SLC1A2: variants seen among roughly 807,000 people sequenced by gnomAD.
The protein encoded by SLC1A2 is excitatory amino acid transporter 2.
A neutral mutation model predicts 48.8 loss-of-function variants in SLC1A2; 15 were observed. The observed-to-expected ratio is 0.31, with a 90% confidence interval of 0.21 to 0.47. SLC1A2 has a LOEUF of 0.47. SLC1A2 is among the 20% of genes least tolerant of loss of function. The pLI, the probability that SLC1A2 is intolerant of heterozygous loss-of-function variation, is 0.99. For missense variants in SLC1A2, 502 were observed against 730.5 expected, an observed-to-expected ratio of 0.69 and a Z score of 3.61; for synonymous variants, 279 against 272.6, an observed-to-expected ratio of 1.02 and a Z score of -0.23.
chr11:35,299,333 G>GTC lies in SLC1A2; in HGVS notation c.857+2184_857+2185dup, dbSNP rs1220089326. 625 of 142,958 alleles carry GTC rather than the reference G, an allele frequency of 4.4e-3. 7 individuals are homozygous for GTC. Among genetic ancestry groups the GTC allele is most frequent in the African/African-American group, 0.012 (469 of 37,536 alleles). The allele number at this position is 142,958 out of a possible 1,614,324, so 8.9% of individuals were successfully genotyped here. On this transcript the variant is annotated intron_variant, in intron 6 of 10. Transcript: ENST00000278379. Reference sequence around the variant, plus strand: ...CAGCCTGGCAACAGGGCGAGTCTTTGTCTCTCTCTCTCTCTCTCTCTGTGT... The same window carrying GTC: ...CAGCCTGGCAACAGGGCGAGTCTTTGTCTCTCTCTCTCTCTCTCTCTCTGTGT...
At position 35,254,980 on chromosome 11, in the gene SLC1A2, C is replaced by A. The variant is rs1377485686; in HGVS notation, c.*5914G>T. 3 of 304,996 alleles carry A rather than the reference C, an allele frequency of 9.8e-6. No homozygotes were observed. Among genetic ancestry groups the A allele is most frequent in the Non-Finnish European group, 1.9e-5 (3 of 155,070 alleles). The allele number at this position is 304,996 out of a possible 1,614,324, so 18.9% of individuals were successfully genotyped here. A position where few individuals can be genotyped will look rare whatever the true frequency, so the allele number is the denominator to read the frequency against. ...GGCATCTCTCACTTTTCTACAGGTTCTTATCTGGGTCAATGAAGAAATTGT... is the reference window on the plus strand; with the variant it reads ...GGCATCTCTCACTTTTCTACAGGTTATTATCTGGGTCAATGAAGAAATTGT... On this transcript the variant is annotated 3_prime_UTR_variant, in exon 11 of 11. Transcript: ENST00000278379.
chr11:35,411,212 C>T (rs1254772942), intron 1 of SLC1A2, among the ~76,000 whole-genome samples: 1 of 152,026 alleles, frequency 6.6e-6, no homozygotes, highest in Non-Finnish European at 1.5e-5. Context: ...AGAAATTAGC[C>T]CAATATTTAT....
rs538376815 is a variant in SLC1A2 at position 35,374,232 on chromosome 11, G to T, written c.17+44718C>A. ...ACTTGCTGGCTTTGAATGATTTATA[G>T]CTAAGACTCCAAGACACTCCCGAAG... On this transcript the variant is annotated intron_variant, in intron 1 of 10. Transcript: ENST00000278379. 5.7e-6 allele frequency: 4 copies of T among 698,490 alleles called. No individual in the cohort carries two copies. The East Asian group carries it at 1.7e-4, about 29-fold the overall frequency. The allele number at this position is 698,490 out of a possible 1,614,324, so 43.3% of individuals were successfully genotyped here.
chr11:35,260,350 G>T lies in SLC1A2; in HGVS notation c.*544C>A, dbSNP rs1950374587. 6.5e-6 allele frequency: 1 copy of T among 153,324 alleles called. No homozygotes were observed. Among genetic ancestry groups the T allele is most frequent in the Non-Finnish European group, 1.5e-5 (1 of 68,840 alleles). The allele number at this position is 153,324 out of a possible 1,614,324, so 9.5% of individuals were successfully genotyped here. On this transcript the variant is annotated 3_prime_UTR_variant, in exon 11 of 11. Transcript: ENST00000278379. ...TTAAAGAGCATATGGAAGATAAATT[G>T]TCAGAATTCCCTAAGACAGGTATTT...
At chr11:35,279,849 A>G (rs1433742400) in intron 9 of SLC1A2, among the ~76,000 whole-genome samples, 2 of 152,220 alleles carry the variant, frequency 1.3e-5, no homozygotes, top group African/African-American at 4.8e-5. Context: ...TGAACACTCA[A>G]ATTCAGTAAC....
intron 1 of SLC1A2, chr11:35,323,435 T>C (rs1007481342): frequency 6.6e-6 from 1 of 152,358 alleles, no homozygotes; most frequent in Non-Finnish European, 1.5e-5. Context: ...AAGATATCAA[T>C]AAGGTTTAAG....
chr11:35,415,621 T>C (rs1292669745), intron 1 of SLC1A2, among the ~76,000 whole-genome samples: 1 of 152,172 alleles, frequency 6.6e-6, no homozygotes, highest in African/African-American at 2.4e-5. Context: ...AGGACAATGG[T>C]TATGGTTTGC....
At chr11:35,318,815 A>G (rs1453873925) in intron 1 of SLC1A2, among the ~76,000 whole-genome samples, 1 of 152,226 alleles carries the variant, frequency 6.6e-6, no homozygotes, top group African/African-American at 2.4e-5. Context: ...GACAAGGATG[A>G]CATTTTGTTC....
In SLC1A2 at chr11:35,265,631, T is replaced by C. The variant is rs769294295; in HGVS notation, c.1549A>G (p.Thr517Ala). The change falls in exon 10 of 11, where the codon ACC (threonine) becomes GCC (alanine). Residue 517 changes from threonine to alanine, a missense_variant. This residue lies in a region of SLC1A2 where 102 missense variants were observed against 107.2 expected (regional missense o/e 0.95). Coordinates refer to ENST00000278379, the MANE Select transcript of SLC1A2 (RefSeq NM_004171.4). ...TCATCATAAATGGATTGAGTCTTGG[T>C]CATTTCAATATCTTCATGCACTCGA... ...QHRVHEDIEM[T>A]KTQSIYDDMK... The C allele has an allele frequency of 1.9e-6, 3 of 1,612,718 alleles. No individual in the cohort carries two copies. In the African/African-American group the frequency reaches 4.0e-5, roughly 21 times the overall value.
rs569184700 is a variant in SLC1A2 at position 35,379,567 on chromosome 11, G to A, written c.17+39383C>T. On this transcript the variant is annotated intron_variant, in intron 1 of 10. Transcript: ENST00000278379. ...TGCTTCAGGCTTGAGAACATGCCAA[G>A]GACTCTCCATGAGAATCAGTCTAGG... Among the ~76,000 whole-genome samples the A allele has an allele frequency of 1.2e-4, 19 of 152,280 alleles. No homozygotes were observed. The East Asian group carries it at 2.9e-3, about 23-fold the overall frequency.
chr11:35,302,935 C>T (rs1449199236), intron 5 of SLC1A2, among the ~76,000 whole-genome samples: 1 of 150,336 alleles, frequency 6.7e-6, no homozygotes, highest in Middle Eastern at 3.2e-3. Context: ...TTCTATAAAT[C>T]AGTGTTGCTA....
intron 1 of SLC1A2, among the ~76,000 whole-genome samples, chr11:35,344,387 G>T (rs1288337257): frequency 1.3e-5 from 2 of 152,146 alleles, no homozygotes; most frequent in East Asian, 3.9e-4. Flanking sequence ...ATTCTGAGAA[G>T]GAACAGCAAG....
rs143748645 is a variant in SLC1A2, at chr11:35,411,550, C to T, written c.17+7400G>A. Among the ~76,000 whole-genome samples the T allele has an allele frequency of 3.2e-3, 480 of 152,260 alleles. 2 individuals are homozygous for T. The highest frequency in any genetic ancestry group is 0.012 in the South Asian group (58 of 4,824). The stretch of plus-strand genomic sequence containing the variant: ...AGCTCACTGCAGCCCCCAACTCCCA[C>T]GCTCAAGAGATCCTCTCGCCTCAGC... On this transcript the variant is annotated intron_variant, in intron 1 of 10. Coordinates refer to ENST00000278379, the MANE Select transcript of SLC1A2 (RefSeq NM_004171.4).
At chr11:35,271,154 A>G (rs780685122) in intron 9 of SLC1A2, among the ~76,000 whole-genome samples, 4 of 152,234 alleles carry the variant, frequency 2.6e-5, no homozygotes, top group African/African-American at 4.8e-5. Flanking sequence ...GGCAACCAGT[A>G]GACAATGTAA....
intron 1 of SLC1A2, among the ~76,000 whole-genome samples, chr11:35,364,855 T>C (rs1205709737): frequency 6.6e-6 from 1 of 152,228 alleles, no homozygotes; most frequent in African/African-American, 2.4e-5. Context: ...TGAGGGCTTA[T>C]AGACATCACA....
At chr11:35,383,169 G>A (rs763886326) in intron 1 of SLC1A2, among the ~76,000 whole-genome samples, 4 of 152,090 alleles carry the variant, frequency 2.6e-5, no homozygotes, top group Non-Finnish European at 5.9e-5. Context: ...AGAATATAGT[G>A]GGGAAACTCT....
chr11:35,255,746 G>A lies in SLC1A2; in HGVS notation c.*5148C>T, dbSNP rs561484389. The A allele has an allele frequency of 8.5e-5, 13 of 152,306 alleles. No individual in the cohort carries two copies. The South Asian group carries it at 1.2e-3, about 15-fold the overall frequency. 9.4% of individuals were successfully genotyped at this position (152,306 alleles called of 1,614,324 possible). On this transcript the variant is annotated 3_prime_UTR_variant, in exon 11 of 11. Transcript: ENST00000278379. The stretch of plus-strand genomic sequence containing the variant: ...ATGTTGACTCTGGAAACATTTTTCC[G>A]TGAGCCAAATCACTACTTCTATTAG...
intron 1 of SLC1A2, among the ~76,000 whole-genome samples, chr11:35,384,260 G>A (rs986286495): frequency 1.8e-4 from 27 of 152,116 alleles, no homozygotes; most frequent in African/African-American, 6.5e-4. Flanking sequence ...AGTGAGATCT[G>A]GAAATGACTT....
At position 35,256,207 on chromosome 11, in the gene SLC1A2, A is replaced by G. The variant is rs1195004752; in HGVS notation, c.*4687T>C. The G allele has an allele frequency of 1.3e-5, 2 of 152,202 alleles. No homozygotes were observed. Among genetic ancestry groups the G allele is most frequent in the African/African-American group, 4.8e-5 (2 of 41,454 alleles). 9.4% of individuals were successfully genotyped at this position (152,202 alleles called of 1,614,324 possible). ...CCTCTACCAAACCATGTTGTTTCTTATCATCTCTATGTCATTGCCTGAATT... is the reference window on the plus strand; with the variant it reads ...CCTCTACCAAACCATGTTGTTTCTTGTCATCTCTATGTCATTGCCTGAATT... On this transcript the variant is annotated 3_prime_UTR_variant, in exon 11 of 11. Coordinates refer to ENST00000278379, the MANE Select transcript of SLC1A2 (RefSeq NM_004171.4).
Sources: gnomAD v4.1 joint callset for allele counts (sites outside exome capture counted in the v4.1 genomes callset) on GRCh38, gnomAD v4.1.1 for gene constraint, gnomAD v4.1.1 regional missense constraint, MANE v1.5 for transcripts, NCBI Gene and HGNC (gene_info 2026-07-23, HGNC 2026-07-21) for gene names.